Variants in OSTC observed in about 807,000 individuals in gnomAD.
OSTC encodes oligosaccharyltransferase complex non-catalytic subunit.
In OSTC, 16 loss-of-function variants were observed where a neutral mutation model predicts 16.4. The ratio of observed to expected loss-of-function variants is 0.98; its 90% confidence interval spans 0.66 to 1.49. The LOEUF is 1.49. Ranked by LOEUF, OSTC falls within the 40% of genes most tolerant of loss-of-function variation. The probability of loss-of-function intolerance (pLI) is 0.00; values close to 1 mark genes in which losing one functional copy is unlikely to be tolerated. For missense variants in OSTC, 139 were observed against 186.3 expected (o/e 0.75, Z 1.48); for synonymous variants, 67 against 68.5 (o/e 0.98, Z 0.11).
At chr4:108,658,208 A>G (rs771982570) in intron 3 of OSTC, among the ~76,000 whole-genome samples, 2 of 152,008 alleles carry the variant, frequency 1.3e-5, no homozygotes, top group Non-Finnish European at 2.9e-5. Context: ...CTGGGATTAT[A>G]GGCATGAGCT....
At chr4:108,660,567 C>G (rs1300005288) in intron 3 of OSTC, among the ~76,000 whole-genome samples, 4 of 152,010 alleles carry the variant, frequency 2.6e-5, no homozygotes, top group Non-Finnish European at 5.9e-5. Flanking sequence ...CTATGATGAC[C>G]TAACAGTTTG....
At chr4:108,655,445 C>A in intron 1 of OSTC, 119 bp from the exon 2 acceptor site, 1 of 579,708 alleles carries the variant, frequency 1.7e-6, no homozygotes, top group Non-Finnish European at 2.8e-6. Context: ...TCAACCTGGG[C>A]GACAGAGTGA....
Position 108,650,645 on chromosome 4 carries a change from C to T in OSTC, c.-11C>T. The T allele has an allele frequency of 6.2e-7, 1 of 1,613,634 alleles. No homozygotes were observed. Among genetic ancestry groups the T allele is most frequent in the Non-Finnish European group, 8.5e-7 (1 of 1,179,710 alleles). On this transcript the variant is annotated 5_prime_UTR_variant, in exon 1 of 4. Coordinates refer to ENST00000361564, the MANE Select transcript of OSTC (RefSeq NM_021227.4). The stretch of plus-strand genomic sequence containing the variant: ...GGCTTGAGGCCGAGAACGGCCCTTG[C>T]TGCCACCAACATGGAGACTTTGTAC...
At chr4:108,662,817 C>T (rs768774202) in intron 3 of OSTC, among the ~76,000 whole-genome samples, 9 of 152,134 alleles carry the variant, frequency 5.9e-5, no homozygotes, top group Non-Finnish European at 1.3e-4. Flanking sequence ...ATTGTTTCAG[C>T]GACTAAAAAG....
At chr4:108,661,248 ATTGT>A (rs928383181) in intron 3 of OSTC, among the ~76,000 whole-genome samples, 5 of 151,240 alleles carry the variant, frequency 3.3e-5, no homozygotes, top group Admixed American at 3.3e-4. Context: ...ATAAAGAATG[ATTGT>A]TTATTAGCTT....
intron 3 of OSTC, among the ~76,000 whole-genome samples, chr4:108,660,704 C>T (rs1455682641): frequency 6.6e-6 from 1 of 152,126 alleles, no homozygotes; most frequent in Non-Finnish European, 1.5e-5. Flanking sequence ...ATAAGATGCA[C>T]CATGATAACC....
chr4:108,650,934 T>C, intron 1 of OSTC, 140 bp downstream of exon 1: 1 of 1,275,594 alleles, frequency 7.8e-7, no homozygotes. Flanking sequence ...AGGGGAGTTC[T>C]GGGGTCCGAA....
chr4:108,652,814 G>T lies in OSTC; in HGVS notation c.139+2020G>T, dbSNP rs534727871. On this transcript the variant is annotated intron_variant, in intron 1 of 3. Coordinates refer to ENST00000361564, the MANE Select transcript of OSTC (RefSeq NM_021227.4). ...ACACTTTGGGAGCCTGAGCCAGTTG[G>T]ATCATTTGAGCCCAGGAGTTCGAGG... Among the ~76,000 whole-genome samples the T allele has an allele frequency of 3.2e-3, 489 of 152,284 alleles. 2 individuals are homozygous for T. The highest frequency in any genetic ancestry group is 0.011 in the African/African-American group (462 of 41,564).
chr4:108,661,965 T>C (rs1309684460), intron 3 of OSTC, among the ~76,000 whole-genome samples: 1 of 152,082 alleles, frequency 6.6e-6, no homozygotes, highest in Non-Finnish European at 1.5e-5. Flanking sequence ...TGCCCTAAAG[T>C]CAGGTGAGGT....
chr4:108,650,908 T>G, intron 1 of OSTC, 114 bp downstream of exon 1: 1 of 1,482,936 alleles, frequency 6.7e-7, no homozygotes, highest in East Asian at 2.3e-5. Context: ...CTGCTTTGGA[T>G]CTTTTCTGAG....
intron 3 of OSTC, among the ~76,000 whole-genome samples, chr4:108,659,696 G>A (rs1196584112): frequency 2.0e-5 from 3 of 152,098 alleles, no homozygotes; most frequent in African/African-American, 7.2e-5. Context: ...GTGAACCCAG[G>A]AGGCAGAGCT....
intron 1 of OSTC, among the ~76,000 whole-genome samples, 161 bp from the exon 2 acceptor site, chr4:108,655,403 T>C (rs1465921876): frequency 6.6e-6 from 1 of 151,844 alleles, no homozygotes; most frequent in Non-Finnish European, 1.5e-5. Flanking sequence ...GTGGCGGAGT[T>C]TGGCAGTAAG....
intron 1 of OSTC, 49 bp downstream of exon 1, chr4:108,650,843 C>A (rs766054928): frequency 1.9e-6 from 3 of 1,611,422 alleles, no homozygotes; most frequent in East Asian, 2.2e-5. Context: ...AGAACTGACC[C>A]GCCCCGGGAG....
intron 1 of OSTC, among the ~76,000 whole-genome samples, chr4:108,654,712 G>A (rs1245026725): frequency 1.3e-5 from 2 of 152,206 alleles, no homozygotes; most frequent in African/African-American, 4.8e-5. Context: ...TTGACAGTGG[G>A]AGATTGAGAA....
chr4:108,666,719 A>AAG (rs1553929809), intron 3 of OSTC, among the ~76,000 whole-genome samples: 1 of 149,820 alleles, frequency 6.7e-6, no homozygotes, highest in Admixed American at 6.7e-5. Flanking sequence ...CTCAAAAAAA[A>AAG]AAAAAAAACT....
At chr4:108,653,141 C>A (rs1726600420) in intron 1 of OSTC, among the ~76,000 whole-genome samples, 1 of 152,144 alleles carries the variant, frequency 6.6e-6, no homozygotes, top group African/African-American at 2.4e-5. Flanking sequence ...GGGAGGATCG[C>A]CTGAGCCTGG....
intron 3 of OSTC, among the ~76,000 whole-genome samples, chr4:108,658,425 T>A (rs201814754): frequency 7.3e-5 from 11 of 150,034 alleles, no homozygotes; most frequent in African/African-American, 2.7e-4. Context: ...ATTTATATAT[T>A]TGTGTGTGTG....
At chr4:108,662,193 C>T (rs1726874336) in intron 3 of OSTC, among the ~76,000 whole-genome samples, 1 of 152,068 alleles carries the variant, frequency 6.6e-6, no homozygotes, top group Admixed American at 6.6e-5. Context: ...ATCATGGGAT[C>T]AGTTCAGAAA....
intron 3 of OSTC, chr4:108,663,150 G>A: frequency 2.2e-6 from 1 of 452,618 alleles, no homozygotes; most frequent in South Asian, 1.6e-5. Flanking sequence ...AGTCCTAAAA[G>A]TTCTGTTTCA....
Sources: allele counts gnomAD v4.1 joint callset (sites outside exome capture counted in the v4.1 genomes callset), GRCh38; gene constraint gnomAD v4.1.1; transcripts MANE v1.5; gene names NCBI Gene and HGNC (gene_info 2026-07-23, HGNC 2026-07-21).